Variants in CCSER1 observed in about 807,000 individuals in gnomAD.
CCSER1 encodes the protein coiled-coil serine rich protein 1.
In CCSER1, 41 loss-of-function variants were observed where a neutral mutation model predicts 82.0. The observed-to-expected ratio is 0.50, with a 90% CI of 0.39 to 0.65. CCSER1 has a LOEUF of 0.65. CCSER1 is among the 30% of genes least tolerant of loss of function. CCSER1 has a pLI of 0.00. For missense variants in CCSER1, 1,119 were observed against 1,064.2 expected (o/e 1.05, Z -0.72); for synonymous variants, 414 against 383.9 (o/e 1.08, Z -0.92).
At chr4:90,458,574 C>T (rs546822667) in intron 4 of CCSER1, among the ~76,000 whole-genome samples, 2 of 151,988 alleles carry the variant, frequency 1.3e-5, no homozygotes, top group South Asian at 2.1e-4. Context: ...AGGCTGGTCT[C>T]GAACTCCTGA....
At chr4:90,153,487 C>T (rs1215200627) in intron 1 of CCSER1, among the ~76,000 whole-genome samples, 40 of 149,888 alleles carry the variant, frequency 2.7e-4, no homozygotes, top group Middle Eastern at 3.4e-3. Flanking sequence ...GTTGAACTAG[C>T]TTACAGTCCC....
At chr4:90,968,206 C>T (rs948891789) in intron 9 of CCSER1, among the ~76,000 whole-genome samples, 12 of 151,448 alleles carry the variant, frequency 7.9e-5, no homozygotes, top group Admixed American at 3.3e-4. Flanking sequence ...AAAATATTAA[C>T]ATAAAATAAT....
chr4:91,399,483 C>G (rs966642818), intron 10 of CCSER1, among the ~76,000 whole-genome samples: 1 of 151,958 alleles, frequency 6.6e-6, no homozygotes, highest in African/African-American at 2.4e-5. Flanking sequence ...ATATTTTATG[C>G]CTGTCTTCAG....
At chr4:90,196,550 G>A (rs1736650689) in intron 1 of CCSER1, among the ~76,000 whole-genome samples, 1 of 151,802 alleles carries the variant, frequency 6.6e-6, no homozygotes, top group Admixed American at 6.6e-5. Context: ...CAGCTCCAGA[G>A]CTGGAGTCTT....
chr4:90,648,339 A>AAGAAAGAAAGAG (rs1209452793), intron 6 of CCSER1, among the ~76,000 whole-genome samples: 1 of 148,418 alleles, frequency 6.7e-6, no homozygotes. Context: ...GAAAGAAAGA[A>AAGAAAGAAAGAG]AGAGAGTTGC....
chr4:90,689,337 A>G (rs1735392673), intron 6 of CCSER1, among the ~76,000 whole-genome samples: 1 of 152,154 alleles, frequency 6.6e-6, no homozygotes, highest in African/African-American at 2.4e-5. Flanking sequence ...CAAAGTAAAC[A>G]GTGATGGGTC....
At chr4:90,493,987 A>G (rs1768537043) in intron 5 of CCSER1, among the ~76,000 whole-genome samples, 2 of 152,218 alleles carry the variant, frequency 1.3e-5, no homozygotes, top group African/African-American at 4.8e-5. Context: ...ATAAAGAGTC[A>G]AGACCCATCA....
chr4:91,417,046 G>A (rs936272305), intron 10 of CCSER1, among the ~76,000 whole-genome samples: 26 of 151,676 alleles, frequency 1.7e-4, no homozygotes, highest in African/African-American at 6.3e-4. Context: ...ATGAGCAAAG[G>A]ACATAAATGG....
chr4:90,824,408 A>T (rs1760154789), intron 8 of CCSER1, among the ~76,000 whole-genome samples: 1 of 152,120 alleles, frequency 6.6e-6, no homozygotes, highest in East Asian at 1.9e-4. Flanking sequence ...TGAAAAACTG[A>T]AAGTGTATCA....
intron 4 of CCSER1, among the ~76,000 whole-genome samples, chr4:90,462,135 T>C (rs1763005938): frequency 6.6e-6 from 1 of 152,124 alleles, no homozygotes; most frequent in South Asian, 2.1e-4. Flanking sequence ...TATTTACTGG[T>C]TCAGTAAATA....
At chr4:90,597,846 A>G (rs1219593512) in intron 5 of CCSER1, among the ~76,000 whole-genome samples, 1 of 151,982 alleles carries the variant, frequency 6.6e-6, no homozygotes, top group Non-Finnish European at 1.5e-5. Flanking sequence ...CTCTGTCTCT[A>G]TAGGGTTGAC....
At chr4:91,120,327 T>C (rs1581594127) in intron 10 of CCSER1, among the ~76,000 whole-genome samples, 1 of 151,926 alleles carries the variant, frequency 6.6e-6, no homozygotes, top group African/African-American at 2.4e-5. Context: ...GAGACAGAGG[T>C]TCTGCTATAT....
intron 4 of CCSER1, among the ~76,000 whole-genome samples, chr4:90,449,402 G>A (rs1761121376): frequency 6.6e-6 from 1 of 152,220 alleles, no homozygotes; most frequent in Admixed American, 6.5e-5. Flanking sequence ...CCAGTTCCCA[G>A]GTTTCAAGCT....
At chr4:91,012,333 C>A (rs1739060976) in intron 9 of CCSER1, among the ~76,000 whole-genome samples, 1 of 133,602 alleles carries the variant, frequency 7.5e-6, no homozygotes, top group African/African-American at 2.5e-5. Flanking sequence ...CATGGAGCAG[C>A]TCTGCCAAGG....
chr4:91,450,552 T>C (rs770680949), intron 10 of CCSER1, among the ~76,000 whole-genome samples: 1 of 152,062 alleles, frequency 6.6e-6, no homozygotes. Context: ...AGATGGGCCC[T>C]ACAATTGTCC....
intron 9 of CCSER1, among the ~76,000 whole-genome samples, chr4:90,984,918 C>T (rs977329244): frequency 2.0e-5 from 3 of 151,572 alleles, no homozygotes; most frequent in African/African-American, 7.3e-5. Flanking sequence ...TCTTAAATTC[C>T]ACTGTCTGAC....
intron 10 of CCSER1, among the ~76,000 whole-genome samples, chr4:91,361,045 G>A (rs1429130513): frequency 6.6e-6 from 1 of 151,706 alleles, no homozygotes; most frequent in Non-Finnish European, 1.5e-5. Context: ...GTCTTGAAGA[G>A]TTAAATCTAA....
intron 10 of CCSER1, among the ~76,000 whole-genome samples, chr4:91,554,208 T>C (rs1182380245): frequency 6.6e-6 from 1 of 151,524 alleles, no homozygotes; most frequent in Non-Finnish European, 1.5e-5. Flanking sequence ...TCTTCTATTA[T>C]TGATTTCTAA....
chr4:90,512,360 A>G (rs1451323225), intron 5 of CCSER1, among the ~76,000 whole-genome samples: 2 of 150,630 alleles, frequency 1.3e-5, no homozygotes, highest in South Asian at 2.1e-4. Flanking sequence ...TGAAAATCAA[A>G]TGGTTTATAA....
Sources: allele counts gnomAD v4.1 joint callset (sites outside exome capture counted in the v4.1 genomes callset), GRCh38; gene constraint gnomAD v4.1.1; transcripts MANE v1.5; gene names NCBI Gene and HGNC (gene_info 2026-07-23, HGNC 2026-07-21).